Variants in PRDM9 observed in about 807,000 individuals in gnomAD.
The protein encoded by PRDM9 is PR/SET domain 9, also known as histone-lysine N-methyltransferase PRDM9.
In PRDM9, 47 loss-of-function variants were observed where a neutral mutation model predicts 55.6. That is an observed-to-expected ratio of 0.85 (90% CI 0.67 to 1.08). The LOEUF is 1.08. Ranked by LOEUF, PRDM9 falls within the 50% of genes least tolerant of loss-of-function variation. The probability of loss-of-function intolerance (pLI) is 0.00; values close to 1 mark genes in which losing one functional copy is unlikely to be tolerated. For missense variants in PRDM9, 867 were observed against 1,040.3 expected, an observed-to-expected ratio of 0.83 and a Z score of 2.29; for synonymous variants, 312 against 375.7, an observed-to-expected ratio of 0.83 and a Z score of 1.96.
In PRDM9 at chr5:23,509,077, C is replaced by G; in HGVS notation, c.44C>G (p.Thr15Arg). ...CAAGAGGAGAGCCCAGAAGAAGACACAGAGAGAACAGAGCGGAAGCCCATG... is the reference window on the plus strand; with the variant it reads ...CAAGAGGAGAGCCCAGAAGAAGACAGAGAGAGAACAGAGCGGAAGCCCATG... ...KSQEESPEED[T>R]ERTERKPMVK... The change falls in exon 2 of 11, where the codon ACA (threonine) becomes AGA (arginine). Residue 15 changes from threonine to arginine, a missense_variant. Physicochemically the swap from Thr to Arg is moderately conservative, Grantham distance 71. Coordinates refer to ENST00000296682, the MANE Select transcript of PRDM9 (RefSeq NM_020227.4). 6.2e-7 allele frequency: 1 copy of G among 1,614,084 alleles called. No homozygotes were observed. Among genetic ancestry groups the G allele is most frequent in the African/African-American group, 1.3e-5 (1 of 75,038 alleles).
At chr5:23,511,711 T>C (rs959931907) in intron 4 of PRDM9, among the ~76,000 whole-genome samples, 2 of 152,220 alleles carry the variant, frequency 1.3e-5, no homozygotes, top group African/African-American at 2.4e-5. Context: ...AAGTGGTAAA[T>C]GTATAAAATC....
In PRDM9 at chr5:23,509,569, A is replaced by G. The variant is rs1415194601; in HGVS notation, c.169A>G (p.Asn57Asp). ...AACTCGCTATAGGAATGTGAAAAGG[A>G]ACTATAATGCACTGATTACTATAGG... ...EKTRYRNVKRNYNALITIGLR... is the reference protein window; with the variant it reads ...EKTRYRNVKRDYNALITIGLR... Residue 57 changes from asparagine (N) to aspartate (D), a missense_variant, in exon 3 of 11, where the codon AAC (asparagine) becomes GAC (aspartate). By Grantham distance (23) the Asn-to-Asp change is conservative. Transcript: ENST00000296682. 1 of 1,614,190 alleles carries G rather than the reference A, an allele frequency of 6.2e-7. No homozygotes were observed. Among genetic ancestry groups the G allele is most frequent in the South Asian group, 1.1e-5 (1 of 91,082 alleles).
Position 23,526,741 on chromosome 5 carries a change from C to T in PRDM9, c.1653C>T (p.Leu551=), listed in dbSNP as rs1197521846. The change falls in exon 11 of 11, where the codon CTC becomes CTT. Residue 551 remains leucine, a synonymous_variant. Coordinates refer to ENST00000296682, the MANE Select transcript of PRDM9 (RefSeq NM_020227.4). The part of the protein sequence containing the change: ...THQRTHTGEK[L]YVCRECGRGF... ...AAAGGACACATACAGGGGAGAAGCTCTACGTCTGCAGGGAGTGTGGGCGGG... is the reference window on the plus strand; with the variant it reads ...AAAGGACACATACAGGGGAGAAGCTTTACGTCTGCAGGGAGTGTGGGCGGG... 6.2e-7 allele frequency: 1 copy of T among 1,608,184 alleles called. No homozygotes were observed. Among genetic ancestry groups the T allele is most frequent in the South Asian group, 1.1e-5 (1 of 90,250 alleles).
At chr5:23,521,571 C>T (rs1739329058) in intron 6 of PRDM9, among the ~76,000 whole-genome samples, 1 of 152,188 alleles carries the variant, frequency 6.6e-6, no homozygotes. Flanking sequence ...CTCCTGGCCT[C>T]AAGAGATCTG....
At chr5:23,509,700 T>C in intron 3 of PRDM9, 107 bp downstream of exon 3, 1 of 1,582,024 alleles carries the variant, frequency 6.3e-7, no homozygotes, top group Non-Finnish European at 8.7e-7. Context: ...CAATTCCCTT[T>C]TTCATGTAGA....
At chr5:23,508,907 G>A in intron 1 of PRDM9, 43 bp from the exon 2 acceptor site, 1 of 1,118,538 alleles carries the variant, frequency 8.9e-7, no homozygotes, top group Non-Finnish European at 1.3e-6. Flanking sequence ...TCTGGGTAGT[G>A]CTCAGGGCTG....
Position 23,516,464 on chromosome 5 carries a change from C to T in PRDM9, c.302-1417C>T, listed in dbSNP as rs1739211706. On this transcript the variant is annotated intron_variant, in intron 4 of 10. Coordinates refer to ENST00000296682, the MANE Select transcript of PRDM9 (RefSeq NM_020227.4). ...ATCGGCTCACTGCAAGCTCCACTTC[C>T]CTGGTTCACGCCATTCTCCTGCCTC... Among the ~76,000 whole-genome samples the T allele has an allele frequency of 2.0e-5, 3 of 151,436 alleles. No homozygotes were observed. The South Asian group carries it at 6.2e-4, about 32-fold the overall frequency.
intron 3 of PRDM9, 130 bp from the exon 4 acceptor site, chr5:23,509,790 G>A: frequency 1.5e-6 from 2 of 1,352,162 alleles, no homozygotes; most frequent in Admixed American, 1.9e-5. Context: ...GTCACATCTT[G>A]ACCTTGTTCA....
In PRDM9 at chr5:23,509,878, C is replaced by T. The variant is rs747546513; in HGVS notation, c.194-42C>T. 6.8e-6 allele frequency: 11 copies of T among 1,608,070 alleles called. No individual in the cohort carries two copies. In the African/African-American group the frequency reaches 1.2e-4, roughly 18 times the overall value. On this transcript the variant is annotated intron_variant, in intron 3 of 10. Transcript: ENST00000296682. ...TTGCCACTGCCCTTTGTTCCTTCTCCCAGCTCTTCCATTTTAGAACAAAAT... is the reference window on the plus strand; with the variant it reads ...TTGCCACTGCCCTTTGTTCCTTCTCTCAGCTCTTCCATTTTAGAACAAAAT...
chr5:23,525,127 G>C (rs903529856), intron 10 of PRDM9, among the ~76,000 whole-genome samples: 1 of 152,242 alleles, frequency 6.6e-6, no homozygotes, highest in African/African-American at 2.4e-5. Flanking sequence ...TGAGAGTAGA[G>C]TGTTGCAGCG....
intron 5 of PRDM9, among the ~76,000 whole-genome samples, chr5:23,520,474 G>A (rs1436168917): frequency 6.6e-6 from 1 of 151,326 alleles, no homozygotes; most frequent in Non-Finnish European, 1.5e-5. Flanking sequence ...AAGTGGTACA[G>A]GAACTAATTA....
At position 23,514,468 on chromosome 5, in the gene PRDM9, T is replaced by A. The variant is rs181164491; in HGVS notation, c.302-3413T>A. On this transcript the variant is annotated intron_variant, in intron 4 of 10. Coordinates refer to ENST00000296682, the MANE Select transcript of PRDM9 (RefSeq NM_020227.4). ...TATCTACTAGAAGATTTTTTTTTTTTAGACAGCCTCACTCTGTTGCCCCAG... is the reference window on the plus strand; with the variant it reads ...TATCTACTAGAAGATTTTTTTTTTTAAGACAGCCTCACTCTGTTGCCCCAG... 1.8e-3 allele frequency among the ~76,000 whole-genome samples: 267 copies of A among 152,206 alleles called. 5 individuals carry two copies. The highest frequency in any genetic ancestry group is 6.1e-3 in the African/African-American group (255 of 41,536).
Position 23,509,534 on chromosome 5 carries a change from A to C in PRDM9, c.134A>C (p.Asp45Ala), listed in dbSNP as rs758241431. 4.3e-6 allele frequency: 7 copies of C among 1,614,004 alleles called. No homozygotes were observed. Among genetic ancestry groups the C allele is most frequent in the African/African-American group, 4.0e-5 (3 of 74,900 alleles). Residue 45 changes from aspartate to alanine, a missense_variant, in exon 3 of 11, where the codon GAC (aspartate) becomes GCC (alanine). By Grantham distance (126) the Asp-to-Ala change is moderately radical (BLOSUM62 -2). Coordinates refer to ENST00000296682, the MANE Select transcript of PRDM9 (RefSeq NM_020227.4). ...AAGGAAGAATGGGCAGAGATGGGAG[A>C]CTGGGAGAAAACTCGCTATAGGAAT... The part of the protein sequence containing the change: ...FTKEEWAEMG[D>A]WEKTRYRNVK...
chr5:23,526,640 ATCTCAAGAATTGCAAAAG>A lies in PRDM9; in HGVS notation c.1555_1572del (p.Ser519_Val524del), dbSNP rs1322643392. On this transcript the variant is annotated inframe_deletion, in exon 11 of 11. Coordinates refer to ENST00000296682, the MANE Select transcript of PRDM9 (RefSeq NM_020227.4). ...AGGCAAATTATTTGTGGGGGTAGGAATCTCAAGAATTGCAAAAGTCAAGTATGGAGAGTGTGGACAAGG... is the reference window on the plus strand; with the variant it reads ...AGGCAAATTATTTGTGGGGGTAGGAATCAAGTATGGAGAGTGTGGACAAGG... 3.7e-6 allele frequency: 6 copies of A among 1,614,244 alleles called. No homozygotes were observed. Among genetic ancestry groups the A allele is most frequent in the Admixed American group, 3.3e-5 (2 of 60,022 alleles).
chr5:23,517,106 T>C (rs1579591264), intron 4 of PRDM9, among the ~76,000 whole-genome samples: 1 of 148,614 alleles, frequency 6.7e-6, no homozygotes, highest in East Asian at 2.1e-4. Flanking sequence ...TGAGCCAAGA[T>C]TGTACCACTG....
rs1400278440 is a variant in PRDM9, at chr5:23,527,751, A to C, written c.2663A>C (p.Tyr888Ser). The change falls in exon 11 of 11, where the codon TAC (tyrosine) becomes TCC (serine). Residue 888 changes from tyrosine (Y) to serine (S), a missense_variant. Coordinates refer to ENST00000296682, the MANE Select transcript of PRDM9 (RefSeq NM_020227.4). Reference protein sequence around the residue: ...HQRTHTGEKPYVCREDE With the variant: ...HQRTHTGEKPSVCREDE Reference sequence around the variant, plus strand: ...AGGACACACACAGGGGAGAAGCCCTACGTCTGCAGGGAGGATGAGTAAGTC... The same window carrying C: ...AGGACACACACAGGGGAGAAGCCCTCCGTCTGCAGGGAGGATGAGTAAGTC... 6.2e-7 allele frequency: 1 copy of C among 1,613,736 alleles called. No homozygotes were observed. The highest frequency in any genetic ancestry group is 8.5e-7 in the Non-Finnish European group (1 of 1,179,858).
At chr5:23,516,864 C>T (rs1175081448) in intron 4 of PRDM9, among the ~76,000 whole-genome samples, 5 of 148,482 alleles carry the variant, frequency 3.4e-5, no homozygotes, top group Non-Finnish European at 7.4e-5. Context: ...GGACTACAGG[C>T]GCCCGCCACC....
chr5:23,514,966 CTTT>C (rs35577341), intron 4 of PRDM9, among the ~76,000 whole-genome samples: 1 of 142,260 alleles, frequency 7.0e-6, no homozygotes, highest in African/African-American at 2.6e-5. Flanking sequence ...AATATTAACT[CTTT>C]TTTTTTTTTT....
chr5:23,514,078 C>T (rs758729449), intron 4 of PRDM9, among the ~76,000 whole-genome samples: 6 of 152,182 alleles, frequency 3.9e-5, no homozygotes, highest in Non-Finnish European at 8.8e-5. Context: ...TGACATCTCG[C>T]TGTGGTTTTA....
Sources: allele counts gnomAD v4.1 joint callset (sites outside exome capture counted in the v4.1 genomes callset), GRCh38; gene constraint gnomAD v4.1.1; transcripts MANE v1.5; gene names NCBI Gene and HGNC (gene_info 2026-07-23, HGNC 2026-07-21).